The following DPP8 variants were observed in gnomAD, a reference collection of about 807,000 sequenced individuals.
The protein encoded by DPP8 is dipeptidyl peptidase 8, also known as DPP VIII.
A neutral mutation model predicts 107.5 loss-of-function variants in DPP8; 31 were observed. The observed-to-expected ratio is 0.29, with a 90% confidence interval of 0.22 to 0.39. The LOEUF (loss-of-function observed/expected upper bound fraction) is 0.39, where lower values mean the gene tolerates loss of function less well. Ranked by LOEUF, DPP8 falls within the 10% of genes least tolerant of loss-of-function variation. DPP8 has a pLI of 1.00. For missense variants in DPP8, 842 were observed against 1,076.1 expected, an observed-to-expected ratio of 0.78 and a Z score of 3.04; for synonymous variants, 381 against 356.6, an observed-to-expected ratio of 1.07 and a Z score of -0.77.
At chr15:65,471,298 T>G (rs1274536331) in intron 12 of DPP8, among the ~76,000 whole-genome samples, 1 of 152,078 alleles carries the variant, frequency 6.6e-6, no homozygotes, top group Non-Finnish European at 1.5e-5. Context: ...CACTTGAGGA[T>G]CTCAGTGGAA....
At chr15:65,476,838 A>C (rs188035566) in intron 11 of DPP8, among the ~76,000 whole-genome samples, 1 of 152,212 alleles carries the variant, frequency 6.6e-6, no homozygotes, top group African/African-American at 2.4e-5. Flanking sequence ...TGGTATATAC[A>C]TACAACGAAA....
chr15:65,516,466 C>A (rs994652517), intron 1 of DPP8: 2 of 151,214 alleles, frequency 1.3e-5, no homozygotes, highest in Non-Finnish European at 2.9e-5. Context: ...GCTATTACAT[C>A]TGTTACTCTA....
At chr15:65,456,404 T>C (rs758174078) in intron 15 of DPP8, 33 bp from the exon 16 acceptor site, 61 of 1,587,156 alleles carry the variant, frequency 3.8e-5, no homozygotes, top group Non-Finnish European at 5.1e-5. Flanking sequence ...GTTTATCATA[T>C]GGAAGCATAT....
intron 3 of DPP8, among the ~76,000 whole-genome samples, chr15:65,503,910 C>T (rs909083048): frequency 5.3e-5 from 8 of 152,090 alleles, no homozygotes; most frequent in African/African-American, 1.9e-4. Flanking sequence ...CAGGCATAAG[C>T]GACCGCACCT....
intron 11 of DPP8, 106 bp from the exon 12 acceptor site, chr15:65,474,394 G>T: frequency 1.2e-6 from 1 of 802,018 alleles, no homozygotes; most frequent in Admixed American, 2.3e-5. Flanking sequence ...GTTATGTTTG[G>T]GGTAATAAAA....
intron 12 of DPP8, among the ~76,000 whole-genome samples, chr15:65,469,812 G>A (rs2164159): frequency 0.2 from 30,808 of 150,298 alleles, 3,477 homozygotes; most frequent in African/African-American, 0.3. Context: ...CTCCAGCCTG[G>A]GTGACAGAGC....
At chr15:65,451,937 A>G (rs2064012458) in intron 18 of DPP8, 23 bp downstream of exon 18, 1 of 1,563,392 alleles carries the variant, frequency 6.4e-7, no homozygotes. Flanking sequence ...TTTAAAAAAA[A>G]AAAAAAAAAA....
chr15:65,512,197 TTA>T (rs2070876314), intron 2 of DPP8, 96 bp downstream of exon 2: 1 of 1,199,636 alleles, frequency 8.3e-7, no homozygotes, highest in African/African-American at 1.5e-5. Flanking sequence ...AAGTCACTGA[TTA>T]ATTTATTCAT....
intron 16 of DPP8, chr15:65,455,379 CT>C (rs2140371851): frequency 6.0e-6 from 1 of 166,930 alleles, no homozygotes; most frequent in Admixed American, 5.8e-5. Flanking sequence ...AGTGATCCTC[CT>C]GCCTTGGCCT....
chr15:65,488,887 T>C (rs2067710927), intron 6 of DPP8, among the ~76,000 whole-genome samples: 2 of 152,212 alleles, frequency 1.3e-5, no homozygotes, highest in South Asian at 4.1e-4. Context: ...TCCATTCATA[T>C]ACTGATTTGG....
intron 19 of DPP8, among the ~76,000 whole-genome samples, chr15:65,448,868 A>ATATATATATGTG: frequency 1.8e-4 from 1 of 5,624 alleles, no homozygotes; most frequent in African/African-American, 6.1e-4. Flanking sequence ...TATCTAAAAT[A>ATATATATATGTG]TATATATATA....
rs2068776683 is a variant in DPP8 at position 65,497,987 on chromosome 15, T to C, written c.592A>G (p.Ile198Val). The C allele has an allele frequency of 1.2e-6, 2 of 1,610,596 alleles. No homozygotes were observed. Among genetic ancestry groups the C allele is most frequent in the African/African-American group, 2.7e-5 (2 of 74,908 alleles). Residue 198 changes from isoleucine to valine, a missense_variant, in exon 5 of 20, where the codon ATA becomes GTA. Around this residue, in one of 2 missense-constraint regions of DPP8, gnomAD observed 663 missense variants for 758.0 expected, o/e 0.87. Transcript: ENST00000300141. ...PNLVETSCPN[I>V]RMDPKLCPAD... Reference sequence around the variant, plus strand: ...GGGCATAATTTTGGATCCATCCGTATGTTGGGACAACTAGTTTCCACTAGA... The same window carrying C: ...GGGCATAATTTTGGATCCATCCGTACGTTGGGACAACTAGTTTCCACTAGA...
At chr15:65,460,944 A>T (rs1322468103) in intron 15 of DPP8, among the ~76,000 whole-genome samples, 1 of 152,200 alleles carries the variant, frequency 6.6e-6, no homozygotes, top group African/African-American at 2.4e-5. Flanking sequence ...TATTCTCACC[A>T]GCAATGAACC....
rs2066179701 is a variant in DPP8, at chr15:65,474,223, G to A, written c.1522C>T (p.Arg508Trp). ...ITSGEWEVLG[R>W]HGSNIQVDEV... ...AAATAACATACATTAGATCCATGCC[G>A]GCCAAGAACTTCCCATTCACCACTG... Residue 508 changes from arginine (R) to tryptophan (W), a missense_variant, in exon 12 of 20, where the codon CGG (arginine) becomes TGG (tryptophan). Transcript: ENST00000300141. 2 of 1,611,168 alleles carry A rather than the reference G, an allele frequency of 1.2e-6. No individual in the cohort carries two copies. Among genetic ancestry groups the A allele is most frequent in the Non-Finnish European group, 1.7e-6 (2 of 1,177,518 alleles).
intron 15 of DPP8, among the ~76,000 whole-genome samples, chr15:65,457,075 C>T (rs1317616399): frequency 6.6e-6 from 1 of 152,170 alleles, no homozygotes; most frequent in Non-Finnish European, 1.5e-5. Flanking sequence ...TACTTTTGGG[C>T]TGAGCGTGGT....
At chr15:65,477,158 C>T (rs1016255754) in intron 11 of DPP8, among the ~76,000 whole-genome samples, 3 of 152,060 alleles carry the variant, frequency 2.0e-5, no homozygotes, top group Admixed American at 6.6e-5. Flanking sequence ...AGATGGCTCA[C>T]GCTTGTAATC....
intron 19 of DPP8, among the ~76,000 whole-genome samples, chr15:65,448,173 C>A (rs1235019146): frequency 2.0e-5 from 3 of 151,574 alleles, no homozygotes; most frequent in Non-Finnish European, 4.4e-5. Flanking sequence ...TTACTTGACC[C>A]CAGGAGTTTG....
At chr15:65,487,894 T>C (rs1049536892) in intron 6 of DPP8, 76 bp from the exon 7 acceptor site, 14 of 1,005,214 alleles carry the variant, frequency 1.4e-5, no homozygotes, top group Non-Finnish European at 2.0e-5. Context: ...TTCCTTCTAG[T>C]ATCAGATTTC....
At chr15:65,502,979 G>C (rs1317494514) in intron 3 of DPP8, 2 of 152,140 alleles carry the variant, frequency 1.3e-5, no homozygotes, top group Non-Finnish European at 2.9e-5. Flanking sequence ...TGGATTGGAA[G>C]ACAGAGTAAA....
Sources: allele counts gnomAD v4.1 joint callset (sites outside exome capture counted in the v4.1 genomes callset), GRCh38; gene constraint gnomAD v4.1.1; regional missense constraint gnomAD v4.1.1; transcripts MANE v1.5; gene names NCBI Gene and HGNC (gene_info 2026-07-23, HGNC 2026-07-21).